The following PDCD4 variants were observed in gnomAD, a reference collection of about 807,000 sequenced individuals.
PDCD4 encodes programmed cell death protein 4.
PDCD4 carries 56 observed loss-of-function variants against 54.0 expected under a neutral mutation model. The ratio of observed to expected loss-of-function variants is 1.04; its 90% CI spans 0.84 to 1.30. PDCD4 has a LOEUF of 1.30. PDCD4 is among the 50% of genes most tolerant of loss of function. The probability of loss-of-function intolerance (pLI) is 0.00; values close to 1 mark genes in which losing one functional copy is unlikely to be tolerated. For synonymous variants in PDCD4, 186 were observed against 194.8 expected, an observed-to-expected ratio of 0.95 and a Z score of 0.37; for missense variants, 584 against 559.8, an observed-to-expected ratio of 1.04 and a Z score of -0.44.
rs75809690 is a variant in PDCD4 at position 110,897,036 on chromosome 10, T to C, written c.1349+949T>C. 2.0e-5 allele frequency among the ~76,000 whole-genome samples: 3 copies of C among 152,358 alleles called. No homozygotes were observed. In the East Asian group the frequency reaches 5.8e-4, roughly 29 times the overall value. ...ATACATCAGTAAAAACTCTGAACTT[T>C]GGCCTTCTTATTATTGACTGCTTTT... On this transcript the variant is annotated intron_variant, in intron 11 of 11. Coordinates refer to ENST00000280154, the MANE Select transcript of PDCD4 (RefSeq NM_014456.5).
intron 6 of PDCD4, among the ~76,000 whole-genome samples, chr10:110,888,552 AAAG>A (rs2135210978): frequency 6.6e-6 from 1 of 152,292 alleles, no homozygotes; most frequent in East Asian, 1.9e-4. Context: ...TAAAAGCCAG[AAAG>A]AAGAAAGGCC....
chr10:110,893,200 A>G (rs1845782948), intron 8 of PDCD4, among the ~76,000 whole-genome samples: 1 of 152,012 alleles, frequency 6.6e-6, no homozygotes, highest in African/African-American at 2.4e-5. Context: ...AAATACTCAA[A>G]TGCTATGCTT....
chr10:110,874,733 A>G (rs1343905334), intron 1 of PDCD4, among the ~76,000 whole-genome samples: 1 of 152,174 alleles, frequency 6.6e-6, no homozygotes, highest in African/African-American at 2.4e-5. Flanking sequence ...TTGTTTCACA[A>G]AATAATACCG....
At chr10:110,877,279 C>A (rs1041734743) in intron 2 of PDCD4, among the ~76,000 whole-genome samples, 1 of 152,212 alleles carries the variant, frequency 6.6e-6, no homozygotes, top group South Asian at 2.1e-4. Context: ...TGACCACTAG[C>A]TACATGTGGT....
intron 8 of PDCD4, among the ~76,000 whole-genome samples, chr10:110,891,657 G>GGT (rs144010782): frequency 2.0e-5 from 3 of 151,448 alleles, no homozygotes; most frequent in Non-Finnish European, 4.4e-5. Context: ...CTTTTAATGA[G>GGT]GTGTGTGTGT....
intron 4 of PDCD4, 140 bp downstream of exon 4, chr10:110,883,237 CATGCATA>C: frequency 1.7e-6 from 1 of 582,730 alleles, no homozygotes; most frequent in Non-Finnish European, 3.0e-6. Flanking sequence ...GACAGTAATA[CATGCATA>C]ACTTTCACTT....
Position 110,899,707 on chromosome 10 carries a change from G to C in PDCD4, c.*1619G>C, listed in dbSNP as rs1324275923. On this transcript the variant is annotated 3_prime_UTR_variant, in exon 12 of 12. Transcript: ENST00000280154. ...AGCTACTTGGGAGGCTGAGGCAGGA[G>C]AATTGCTTGAACCTGGGAGGCAGAG... 6 of 151,856 alleles carry C rather than the reference G, an allele frequency of 4.0e-5. No individual in the cohort carries two copies. The highest frequency in any genetic ancestry group is 1.5e-4 in the African/African-American group (6 of 41,252). 9.4% of individuals were successfully genotyped at this position (151,856 alleles called of 1,614,324 possible).
At chr10:110,879,652 CAAAAA>C (rs527490449) in intron 2 of PDCD4, among the ~76,000 whole-genome samples, 3 of 84,392 alleles carry the variant, frequency 3.6e-5, no homozygotes, top group Non-Finnish European at 8.0e-5. Context: ...CACGCTGTCT[CAAAAA>C]AAAAAAAAAA....
intron 1 of PDCD4, among the ~76,000 whole-genome samples, chr10:110,873,450 G>T (rs985678790): frequency 2.0e-5 from 3 of 152,188 alleles, no homozygotes; most frequent in African/African-American, 7.2e-5. Flanking sequence ...TATATATTTC[G>T]TGGGGGAGTG....
rs758919081 is a variant in PDCD4 at position 110,890,678 on chromosome 10, T to C, written c.990+8T>C. On this transcript the variant is annotated splice_region_variant and intron_variant, in intron 8 of 11. Transcript: ENST00000280154. ...AATCACCTTGTTAAAGAGGTAATGA[T>C]TGGGTATTGTTTTTAACTTAATTTA... The C allele has an allele frequency of 1.3e-6, 2 of 1,526,044 alleles. No individual in the cohort carries two copies. Among genetic ancestry groups the C allele is most frequent in the South Asian group, 2.3e-5 (2 of 88,250 alleles). The allele number at this position is 1,526,044 out of a possible 1,614,324, so 94.5% of individuals were successfully genotyped here.
chr10:110,891,126 T>C (rs545347837), intron 8 of PDCD4, among the ~76,000 whole-genome samples: 1 of 152,274 alleles, frequency 6.6e-6, no homozygotes, highest in South Asian at 2.1e-4. Context: ...CCCATATGCA[T>C]GTTTTAAAAG....
At chr10:110,895,601 G>A (rs1416120206) in intron 10 of PDCD4, among the ~76,000 whole-genome samples, 1 of 152,126 alleles carries the variant, frequency 6.6e-6, no homozygotes, top group Non-Finnish European at 1.5e-5. Context: ...ACCCAGTAAT[G>A]GGATTGTCGG....
chr10:110,872,165 G>C (rs1845419638), intron 1 of PDCD4, 147 bp downstream of exon 1: 1 of 152,184 alleles, frequency 6.6e-6, no homozygotes, highest in Non-Finnish European at 1.5e-5. Flanking sequence ...CGGTGCGGGG[G>C]TCCGGCTGCC....
At chr10:110,896,853 T>C (rs1224980517) in intron 11 of PDCD4, among the ~76,000 whole-genome samples, 2 of 152,162 alleles carry the variant, frequency 1.3e-5, no homozygotes, top group African/African-American at 4.8e-5. Context: ...CAGAAAAATA[T>C]TTCCTGGTAG....
chr10:110,883,594 C>G (rs1019113727), intron 4 of PDCD4, among the ~76,000 whole-genome samples: 5 of 152,058 alleles, frequency 3.3e-5, no homozygotes, highest in African/African-American at 1.2e-4. Flanking sequence ...GTACTCCTCT[C>G]TTAGCTTTAC....
At chr10:110,888,784 T>C (rs1008173100) in intron 6 of PDCD4, among the ~76,000 whole-genome samples, 5 of 152,180 alleles carry the variant, frequency 3.3e-5, no homozygotes, top group African/African-American at 1.2e-4. Flanking sequence ...CATTTAACCA[T>C]ACCTTTATTT....
At chr10:110,883,537 A>G (rs904219458) in intron 4 of PDCD4, among the ~76,000 whole-genome samples, 1 of 151,830 alleles carries the variant, frequency 6.6e-6, no homozygotes, top group Non-Finnish European at 1.5e-5. Context: ...TGAATTTTTT[A>G]TTTTTTTTAA....
At position 110,879,001 on chromosome 10, in the gene PDCD4, C is replaced by T. The variant is rs118186863; in HGVS notation, c.44-2232C>T. On this transcript the variant is annotated intron_variant, in intron 2 of 11. Coordinates refer to ENST00000280154, the MANE Select transcript of PDCD4 (RefSeq NM_014456.5). ...TGTCCCAAACACACCATCCTAACAC[C>T]GGCTTCTTACCAGTTTGAAAACTTT... 5.4e-4 allele frequency among the ~76,000 whole-genome samples: 82 copies of T among 152,224 alleles called. 1 individual carries two copies. The East Asian group carries it at 0.015, about 28-fold the overall frequency.
intron 4 of PDCD4, 154 bp from the exon 5 acceptor site, chr10:110,885,099 A>C: frequency 2.1e-6 from 1 of 484,660 alleles, no homozygotes; most frequent in Non-Finnish European, 3.6e-6. Flanking sequence ...CCTGGCCTAG[A>C]TTCTATTTTT....
Sources: allele counts gnomAD v4.1 joint callset (sites outside exome capture counted in the v4.1 genomes callset), GRCh38; gene constraint gnomAD v4.1.1; transcripts MANE v1.5; gene names NCBI Gene and HGNC (gene_info 2026-07-23, HGNC 2026-07-21).